Variants in DPYSL2 observed in about 807,000 individuals in gnomAD.
DPYSL2 encodes dihydropyrimidinase like 2.
In DPYSL2, 13 loss-of-function variants were observed where a neutral mutation model predicts 69.9. That is an observed-to-expected ratio of 0.19 (90% CI 0.12 to 0.30). The LOEUF (loss-of-function observed/expected upper bound fraction) is 0.30. Ranked by LOEUF, DPYSL2 falls within the 10% of genes least tolerant of loss-of-function variation. DPYSL2 has a pLI of 1.00. For synonymous variants in DPYSL2, 326 were observed against 359.1 expected (o/e 0.91, Z 1.04); for missense variants, 587 against 918.9 (o/e 0.64, Z 4.67).
chr8:26,629,504 G>A (rs1362210969), intron 7 of DPYSL2, among the ~76,000 whole-genome samples: 3 of 152,178 alleles, frequency 2.0e-5, no homozygotes, highest in Non-Finnish European at 4.4e-5. Flanking sequence ...AGGATTGCAC[G>A]TTCCTGCTTC....
Position 26,627,968 on chromosome 8 carries a change from A to C in DPYSL2, c.1005+28A>C, listed in dbSNP as rs1389801916. ...GAATGTTCACCAAGCGGAATGCGTG[A>C]ATCAGTGTCCCTTGGGCACTGTGCA... On this transcript the variant is annotated intron_variant, in intron 7 of 13. Transcript: ENST00000521913. This position sits in a 1 kb window ranked among gnomAD's most constrained non-coding sequence, Gnocchi z 6.9. The C allele has an allele frequency of 6.2e-7, 1 of 1,609,336 alleles. No individual in the cohort carries two copies. The highest frequency in any genetic ancestry group is 1.3e-5 in the African/African-American group (1 of 74,962).
At position 26,648,955 on chromosome 8, in the gene DPYSL2, A is replaced by G. The variant is rs573284767; in HGVS notation, c.1596+1155A>G. On this transcript the variant is annotated intron_variant, in intron 11 of 13. Transcript: ENST00000521913. This position sits in a 1 kb window ranked among gnomAD's most constrained non-coding sequence, Gnocchi z 4.3. ...ACTCACTGGCTCAGCCTGGCAGCGC[A>G]GCCTTATGATCGCGCCCCTTACAGC... Among the ~76,000 whole-genome samples, 1 of 152,326 alleles carries G rather than the reference A, an allele frequency of 6.6e-6. No individual in the cohort carries two copies. Among genetic ancestry groups the G allele is most frequent in the South Asian group, 2.1e-4 (1 of 4,822 alleles).
intron 3 of DPYSL2, among the ~76,000 whole-genome samples, chr8:26,607,981 G>A (rs1802142978): frequency 1.3e-5 from 2 of 151,346 alleles, no homozygotes; most frequent in African/African-American, 4.9e-5. Flanking sequence ...AGAGGCTGAG[G>A]CAGGAGAATC....
At chr8:26,645,259 C>T (rs1197997970) in intron 10 of DPYSL2, among the ~76,000 whole-genome samples, 1 of 151,988 alleles carries the variant, frequency 6.6e-6, no homozygotes, top group African/African-American at 2.4e-5. Context: ...ATTAGTGAGG[C>T]ATGGTGGCAG....
rs1414993061 is a variant in DPYSL2 at position 26,634,885 on chromosome 8, C to A, written c.1111C>A (p.Gln371Lys). 6.2e-7 allele frequency: 1 copy of A among 1,614,104 alleles called. No homozygotes were observed. Among genetic ancestry groups the A allele is most frequent in the African/African-American group, 1.3e-5 (1 of 74,940 alleles). The change falls in exon 8 of 14, where the codon CAG becomes AAG. Residue 371 changes from glutamine (Q) to lysine (K), a missense_variant. This residue lies in a region of DPYSL2 where 452 missense variants were observed against 754.3 expected (regional missense o/e 0.60). Transcript: ENST00000521913. The part of the protein sequence containing the change: ...MSKSSAEVIA[Q>K]ARKKGTVVYG... ...CAAAAGCTCTGCTGAGGTCATCGCCCAGGCACGGAAGAAGGGTGAGTGCTG... is the reference window on the plus strand; with the variant it reads ...CAAAAGCTCTGCTGAGGTCATCGCCAAGGCACGGAAGAAGGGTGAGTGCTG...
chr8:26,651,197 C>T (rs1803273908), intron 11 of DPYSL2, among the ~76,000 whole-genome samples: 1 of 152,190 alleles, frequency 6.6e-6, no homozygotes. Flanking sequence ...ACTGACAGCC[C>T]TCGTGGTTGT....
chr8:26,532,887 A>G (rs1200335854), intron 1 of DPYSL2, among the ~76,000 whole-genome samples: 1 of 152,236 alleles, frequency 6.6e-6, no homozygotes, highest in Non-Finnish European at 1.5e-5. Flanking sequence ...TTATGTATCA[A>G]GGAGTAAAAT....
intron 3 of DPYSL2, among the ~76,000 whole-genome samples, chr8:26,611,048 C>G (rs1167305462): frequency 6.6e-6 from 1 of 152,086 alleles, no homozygotes; most frequent in Non-Finnish European, 1.5e-5. Context: ...GGCACTGTTG[C>G]CATTTCTATT....
intron 1 of DPYSL2, among the ~76,000 whole-genome samples, chr8:26,535,124 G>T (rs1268506384): frequency 6.6e-6 from 1 of 152,142 alleles, no homozygotes; most frequent in Non-Finnish European, 1.5e-5. Context: ...TGAGATCAGG[G>T]TGCCAGCATG....
rs1802092075 is a variant in DPYSL2 at position 26,605,662 on chromosome 8, TA to T, written c.629-18476del. On this transcript the variant is annotated intron_variant, in intron 3 of 13. Transcript: ENST00000521913. The surrounding 1 kb of genome is among the most constrained non-coding windows in gnomAD (Gnocchi z 4.1). The stretch of plus-strand genomic sequence containing the variant: ...GATGACTGACTTAAAAATAATGTAT[TA>T]AAAATTAATAGCTTCCCTGTATGTC... 6.6e-6 allele frequency among the ~76,000 whole-genome samples: 1 copy of T among 152,176 alleles called. No individual in the cohort carries two copies. Among genetic ancestry groups the T allele is most frequent in the African/African-American group, 2.4e-5 (1 of 41,444 alleles).
chr8:26,595,285 A>G (rs936401995), intron 3 of DPYSL2, among the ~76,000 whole-genome samples: 14 of 152,114 alleles, frequency 9.2e-5, no homozygotes, highest in African/African-American at 2.9e-4. Context: ...TTATGCAAGA[A>G]AATAAAAATT....
intron 3 of DPYSL2, among the ~76,000 whole-genome samples, chr8:26,594,044 G>A (rs1801803265): frequency 6.6e-6 from 1 of 152,180 alleles, no homozygotes; most frequent in Admixed American, 6.5e-5. Context: ...GGATGGGATT[G>A]TAAGTAACTC....
In DPYSL2 at chr8:26,617,482, G is replaced by A. The variant is rs561192864; in HGVS notation, c.629-6661G>A. Reference sequence around the variant, plus strand: ...TGCACTCCAGCCTGGGTGCCAGAGCGAGACGCCTTCTCAACAAAAGAAAAA... The same window carrying A: ...TGCACTCCAGCCTGGGTGCCAGAGCAAGACGCCTTCTCAACAAAAGAAAAA... On this transcript the variant is annotated intron_variant, in intron 3 of 13. Coordinates refer to ENST00000521913, the MANE Select transcript of DPYSL2 (RefSeq NM_001197293.3). The surrounding 1 kb of genome is among the most constrained non-coding windows in gnomAD (Gnocchi z 4.7). Among the ~76,000 whole-genome samples the A allele has an allele frequency of 3.3e-4, 50 of 152,192 alleles. No individual in the cohort carries two copies. Among genetic ancestry groups the A allele is most frequent in the African/African-American group, 8.2e-4 (34 of 41,508 alleles).
In DPYSL2 at chr8:26,575,271, G is replaced by A. The variant is rs996556823; in HGVS notation, c.355-6698G>A. 6.6e-5 allele frequency among the ~76,000 whole-genome samples: 10 copies of A among 152,262 alleles called. No individual in the cohort carries two copies. The East Asian group carries it at 1.7e-3, about 26-fold the overall frequency. On this transcript the variant is annotated intron_variant, in intron 1 of 13. Coordinates refer to ENST00000521913, the MANE Select transcript of DPYSL2 (RefSeq NM_001197293.3). ...TCCCAAAGTGCGGGATTACAGGTGT[G>A]AGCCACTGTGCCCAGCCTCTCATTT...
intron 8 of DPYSL2, among the ~76,000 whole-genome samples, chr8:26,635,190 G>A (rs1227959998): frequency 6.6e-6 from 1 of 152,234 alleles, no homozygotes; most frequent in African/African-American, 2.4e-5. Context: ...CTTTGATGTG[G>A]TTGAAATAAA....
rs1801783046 is a variant in DPYSL2, at chr8:26,593,303, C to T, written c.628+9320C>T. On this transcript the variant is annotated intron_variant, in intron 3 of 13. Transcript: ENST00000521913. The surrounding 1 kb of genome is among the most constrained non-coding windows in gnomAD (Gnocchi z 5.7). ...TTGTAACAAAATGCAGAGACCAGAC[C>T]TTCTGACTTAATTGTTCTAGGTGGG... Among the ~76,000 whole-genome samples the T allele has an allele frequency of 6.6e-6, 1 of 152,054 alleles. No individual in the cohort carries two copies. Among genetic ancestry groups the T allele is most frequent in the Non-Finnish European group, 1.5e-5 (1 of 68,010 alleles).
In DPYSL2 at chr8:26,601,167, C is replaced by T. The variant is rs62491922; in HGVS notation, c.628+17184C>T. On this transcript the variant is annotated intron_variant, in intron 3 of 13. Coordinates refer to ENST00000521913, the MANE Select transcript of DPYSL2 (RefSeq NM_001197293.3). ...GCAGGAACCATTGCTCACAGCTGCT[C>T]CCTCCTTGGATGCTATACCCTCACT... is the stretch of plus-strand genomic sequence containing the variant. Among the ~76,000 whole-genome samples, 14 of 152,256 alleles carry T rather than the reference C, an allele frequency of 9.2e-5. 1 individual carries two copies. In the South Asian group the frequency reaches 2.1e-3, roughly 23 times the overall value.
At chr8:26,616,965 G>A (rs967096565) in intron 3 of DPYSL2, among the ~76,000 whole-genome samples, 4 of 152,216 alleles carry the variant, frequency 2.6e-5, no homozygotes, top group African/African-American at 9.7e-5. Context: ...CTCCACGTGC[G>A]TAACCCCCAG....
chr8:26,633,995 A>C (rs1459501999), intron 7 of DPYSL2, among the ~76,000 whole-genome samples: 1 of 152,270 alleles, frequency 6.6e-6, no homozygotes, highest in African/African-American at 2.4e-5. Context: ...AGCCCAGCAC[A>C]AACTCCACAT....
Sources: allele counts gnomAD v4.1 joint callset (sites outside exome capture counted in the v4.1 genomes callset), GRCh38; gene constraint gnomAD v4.1.1; regional missense constraint gnomAD v4.1.1; non-coding constraint Gnocchi (gnomAD v3.1); transcripts MANE v1.5; gene names NCBI Gene and HGNC (gene_info 2026-07-23, HGNC 2026-07-21).